The following CFAP299 variants were observed in gnomAD, a reference collection of about 807,000 sequenced individuals.
CFAP299 encodes the protein cilia and flagella associated protein 299, also known as cilia- and flagella-associated protein 299.
Under a neutral mutation model 27.0 loss-of-function variants are expected in CFAP299, and 21 were observed. The observed-to-expected ratio is 0.78, with a 90% CI of 0.55 to 1.12. The LOEUF is 1.12. CFAP299 is among the 50% of genes most tolerant of loss of function. The pLI is 0.00. For missense variants in CFAP299, 310 were observed against 276.6 expected (o/e 1.12, Z -0.86); for synonymous variants, 104 against 98.1 (o/e 1.06, Z -0.36).
intron 3 of CFAP299, among the ~76,000 whole-genome samples, chr4:80,592,638 T>A (rs1425778019): frequency 6.6e-6 from 1 of 152,150 alleles, no homozygotes; most frequent in Non-Finnish European, 1.5e-5. Context: ...ACAGAGCTAA[T>A]CTTCAGAGGA....
At chr4:80,706,266 C>T (rs909638770) in intron 3 of CFAP299, among the ~76,000 whole-genome samples, 2 of 151,336 alleles carry the variant, frequency 1.3e-5, no homozygotes, top group African/African-American at 4.8e-5. Flanking sequence ...TGCAAACATA[C>T]CCTAAACATC....
chr4:80,560,747 G>C (rs913026270), intron 2 of CFAP299, among the ~76,000 whole-genome samples: 1 of 152,110 alleles, frequency 6.6e-6, no homozygotes, highest in Non-Finnish European at 1.5e-5. Context: ...AGAGAGGGAA[G>C]AGTGGGAAGG....
At chr4:80,435,723 T>C (rs533453139) in intron 2 of CFAP299, among the ~76,000 whole-genome samples, 1 of 152,334 alleles carries the variant, frequency 6.6e-6, no homozygotes. Context: ...ACTTACTCCA[T>C]GGTTGATCAG....
chr4:80,420,224 C>T (rs1412425092), intron 2 of CFAP299: 2 of 456,044 alleles, frequency 4.4e-6, no homozygotes, highest in South Asian at 3.1e-5. Context: ...GTGTCAGACT[C>T]TCAGTTAATC....
intron 4 of CFAP299, among the ~76,000 whole-genome samples, chr4:80,931,768 G>A (rs1010661173): frequency 9.7e-4 from 147 of 151,888 alleles, no homozygotes; most frequent in African/African-American, 2.8e-3. Context: ...ACCCCTGGCC[G>A]TGTGAACCCA....
At chr4:80,878,126 ATCAT>A (rs1383626356) in intron 4 of CFAP299, among the ~76,000 whole-genome samples, 5 of 152,146 alleles carry the variant, frequency 3.3e-5, no homozygotes, top group East Asian at 3.8e-4. Context: ...TGTGTGAATC[ATCAT>A]TCAATGTATA....
Position 80,924,932 on chromosome 4 carries a change from G to A in CFAP299, c.477-19878G>A, listed in dbSNP as rs549126659. 2.2e-4 allele frequency among the ~76,000 whole-genome samples: 33 copies of A among 151,830 alleles called. No homozygotes were observed. In the South Asian group the frequency reaches 6.6e-3, roughly 31 times the overall value. On this transcript the variant is annotated intron_variant, in intron 4 of 5. Coordinates refer to ENST00000358105, the MANE Select transcript of CFAP299 (RefSeq NM_152770.3). ...ATCTTGTCTTCCCCCAGTGTTTCAA[G>A]TTGGGGTCATTGAAATGTTTTAAAT... is the stretch of plus-strand genomic sequence containing the variant.
chr4:80,862,124 C>A (rs1215535641), intron 3 of CFAP299, among the ~76,000 whole-genome samples: 1 of 152,150 alleles, frequency 6.6e-6, no homozygotes, highest in Non-Finnish European at 1.5e-5. Flanking sequence ...AATCCCAGCA[C>A]TTTGGAAGGC....
At chr4:80,863,970 T>A (rs1018048952) in intron 3 of CFAP299, among the ~76,000 whole-genome samples, 1 of 152,034 alleles carries the variant, frequency 6.6e-6, no homozygotes, top group Admixed American at 6.6e-5. Context: ...GAAAAGAGAC[T>A]CTATAGAGAT....
chr4:80,592,017 T>A (rs534618097), intron 3 of CFAP299, among the ~76,000 whole-genome samples: 1 of 152,252 alleles, frequency 6.6e-6, no homozygotes, highest in African/African-American at 2.4e-5. Flanking sequence ...GGATTCACAC[T>A]CTGTGTGCAA....
At position 80,618,731 on chromosome 4, in the gene CFAP299, A is replaced by G. The variant is rs544496096; in HGVS notation, c.333+35548A>G. ...CATGACTTTTATTGCTACTAAACTA[A>G]AAGATACATTACATTAATTCCTTCC... is the stretch of plus-strand genomic sequence containing the variant. On this transcript the variant is annotated intron_variant, in intron 3 of 5. Transcript: ENST00000358105. 3.3e-5 allele frequency among the ~76,000 whole-genome samples: 5 copies of G among 152,218 alleles called. No homozygotes were observed. The South Asian group carries it at 1.0e-3, about 32-fold the overall frequency.
At chr4:80,961,179 AT>A (rs922993515) in intron 5 of CFAP299, among the ~76,000 whole-genome samples, 4 of 151,802 alleles carry the variant, frequency 2.6e-5, no homozygotes, top group African/African-American at 9.7e-5. Flanking sequence ...TATAGTTTTC[AT>A]TATCTAAAAT....
intron 3 of CFAP299, among the ~76,000 whole-genome samples, chr4:80,664,034 G>A (rs773614889): frequency 6.6e-6 from 1 of 151,842 alleles, no homozygotes. Flanking sequence ...CTGGATATTA[G>A]CCCTTTGTCA....
chr4:80,829,230 C>T (rs1730161564), intron 3 of CFAP299, among the ~76,000 whole-genome samples: 1 of 151,498 alleles, frequency 6.6e-6, no homozygotes, highest in South Asian at 2.1e-4. Context: ...AACTCAACAA[C>T]AAAAAAACAA....
chr4:80,433,807 C>T (rs1294278806), intron 2 of CFAP299, among the ~76,000 whole-genome samples: 2 of 152,128 alleles, frequency 1.3e-5, no homozygotes, highest in East Asian at 1.9e-4. Context: ...TACATTAAGA[C>T]AACAGTTTAA....
intron 3 of CFAP299, among the ~76,000 whole-genome samples, chr4:80,722,909 C>CAA (rs75739402): frequency 0.11 from 17,269 of 150,318 alleles, 1,470 homozygotes; most frequent in African/African-American, 0.23. Flanking sequence ...AAAAACAAAA[C>CAA]AAAAAAAAAT....
intron 2 of CFAP299, among the ~76,000 whole-genome samples, chr4:80,474,133 G>T (rs1202412924): frequency 6.6e-6 from 1 of 152,062 alleles, no homozygotes; most frequent in African/African-American, 2.4e-5. Context: ...TAAGAAAAAT[G>T]TTTTTATTTG....
intron 3 of CFAP299, among the ~76,000 whole-genome samples, chr4:80,749,089 A>C (rs1009880099): frequency 2.0e-5 from 3 of 152,170 alleles, no homozygotes; most frequent in Non-Finnish European, 4.4e-5. Flanking sequence ...GCATATCCTG[A>C]GATCTACTGT....
chr4:80,447,336 C>T (rs1728688127), intron 2 of CFAP299, among the ~76,000 whole-genome samples: 1 of 150,662 alleles, frequency 6.6e-6, no homozygotes, highest in African/African-American at 2.4e-5. Flanking sequence ...GGGGTTTCAC[C>T]GTTTTAGCCG....
Sources: gnomAD v4.1 joint callset for allele counts (sites outside exome capture counted in the v4.1 genomes callset) on GRCh38, gnomAD v4.1.1 for gene constraint, MANE v1.5 for transcripts, NCBI Gene and HGNC (gene_info 2026-07-23, HGNC 2026-07-21) for gene names.